Variants in PRKCH observed in about 807,000 individuals in gnomAD.
PRKCH encodes the protein protein kinase C eta, also known as protein kinase C eta type.
Under a neutral mutation model 82.5 loss-of-function variants are expected in PRKCH, and 28 were observed. The ratio of observed to expected loss-of-function variants is 0.34; its 90% CI spans 0.25 to 0.47. The LOEUF (loss-of-function observed/expected upper bound fraction) is 0.47. Ranked by LOEUF, PRKCH falls within the 20% of genes least tolerant of loss-of-function variation. PRKCH has a pLI of 1.00. For synonymous variants in PRKCH, 322 were observed against 327.4 expected (o/e 0.98, Z 0.18); for missense variants, 705 against 881.8 (o/e 0.80, Z 2.54).
chr14:61,427,000 C>A (rs1210028503), intron 2 of PRKCH, among the ~76,000 whole-genome samples: 1 of 152,130 alleles, frequency 6.6e-6, no homozygotes, highest in Admixed American at 6.5e-5. Context: ...GTGACCACAG[C>A]CCAAGGCACA....
chr14:61,246,776 C>T (rs1163767307), intron 1 of PRKCH, among the ~76,000 whole-genome samples: 1 of 152,066 alleles, frequency 6.6e-6, no homozygotes, highest in Non-Finnish European at 1.5e-5. Context: ...TTTATAGAGA[C>T]AGAGTCTCCC....
At chr14:61,345,876 T>C (rs559528085) in intron 1 of PRKCH, among the ~76,000 whole-genome samples, 25 of 127,970 alleles carry the variant, frequency 2.0e-4, no homozygotes, top group Admixed American at 9.4e-4. Context: ...CTGTCTCTCT[T>C]TTTTTTTTTT....
At chr14:61,456,323 A>C (rs570496067) in intron 7 of PRKCH, among the ~76,000 whole-genome samples, 89 of 152,298 alleles carry the variant, frequency 5.8e-4, no homozygotes, top group African/African-American at 2.0e-3. Flanking sequence ...CTCTGTTTTG[A>C]AGATTTGCAT....
At chr14:61,532,909 C>T (rs1255861535) in intron 12 of PRKCH, among the ~76,000 whole-genome samples, 4 of 152,222 alleles carry the variant, frequency 2.6e-5, no homozygotes, top group Non-Finnish European at 5.9e-5. Context: ...CCAGCTGCTC[C>T]ACTGATGGAG....
intron 10 of PRKCH, among the ~76,000 whole-genome samples, chr14:61,521,073 A>G (rs746869053): frequency 6.6e-6 from 1 of 152,246 alleles, no homozygotes; most frequent in Non-Finnish European, 1.5e-5. Context: ...CATAGGAGAT[A>G]TAAATATGTC....
intron 9 of PRKCH, among the ~76,000 whole-genome samples, chr14:61,481,832 A>G (rs1594751299): frequency 6.6e-6 from 1 of 152,032 alleles, no homozygotes; most frequent in Non-Finnish European, 1.5e-5. Context: ...AAATACCTAC[A>G]TGAGAGCACA....
intron 10 of PRKCH, among the ~76,000 whole-genome samples, chr14:61,521,573 A>ATT (rs146939937): frequency 3.4e-5 from 5 of 147,384 alleles, no homozygotes; most frequent in African/African-American, 5.0e-5. Context: ...TATTTTATTA[A>ATT]TTTTTTTTTT....
At chr14:61,210,450 C>T (rs2044565831) in intron 1 of PRKCH, among the ~76,000 whole-genome samples, 1 of 152,112 alleles carries the variant, frequency 6.6e-6, no homozygotes, top group Non-Finnish European at 1.5e-5. Context: ...CTTTCCCCAA[C>T]TTTACCTGAT....
At chr14:61,279,997 C>G in intron 1 of PRKCH, 1 of 1,085,902 alleles carries the variant, frequency 9.2e-7, no homozygotes, top group Non-Finnish European at 1.3e-6. Context: ...AAAAGCTAGG[C>G]GAGGTTGGAA....
chr14:61,408,358 G>A (rs1451793886), intron 2 of PRKCH, among the ~76,000 whole-genome samples: 1 of 152,122 alleles, frequency 6.6e-6, no homozygotes, highest in Non-Finnish European at 1.5e-5. Flanking sequence ...TCTACTTTTA[G>A]TGATGCCTAC....
At chr14:61,425,664 G>A (rs1023983688) in intron 2 of PRKCH, among the ~76,000 whole-genome samples, 14 of 152,204 alleles carry the variant, frequency 9.2e-5, no homozygotes, top group Non-Finnish European at 1.9e-4. Context: ...ATGCTGAAAT[G>A]AGTTAAGACT....
intron 1 of PRKCH, among the ~76,000 whole-genome samples, chr14:61,338,068 G>A (rs982955177): frequency 5.9e-5 from 9 of 152,150 alleles, no homozygotes; most frequent in Admixed American, 6.5e-5. Context: ...GGGCGCTGCT[G>A]TTGCAAATGT....
At chr14:61,449,278 A>G (rs766419654) in intron 5 of PRKCH, 26 bp downstream of exon 5, 4 of 1,572,412 alleles carry the variant, frequency 2.5e-6, no homozygotes, top group Non-Finnish European at 3.5e-6. Flanking sequence ...TTTGCTGATT[A>G]AATGTGCGTG....
In PRKCH at chr14:61,280,263, C is replaced by A. The variant is rs1355973706; in HGVS notation, c.-19+92595C>A. 1 of 1,614,058 alleles carries A rather than the reference C, an allele frequency of 6.2e-7. No individual in the cohort carries two copies. Among genetic ancestry groups the A allele is most frequent in the Non-Finnish European group, 8.5e-7 (1 of 1,180,004 alleles). On this transcript the variant is annotated intron_variant, in intron 1 of 3. Transcript: ENST00000555185. The surrounding 1 kb of genome is among the most constrained non-coding windows in gnomAD (Gnocchi z 5.0). The stretch of plus-strand genomic sequence containing the variant: ...AGATGAGGAGCTTGTGGCCGCCGAA[C>A]GCGCGCACCGGGTAGTTGTAGGTGA...
At chr14:61,393,529 CT>C (rs2046720218) in intron 2 of PRKCH, among the ~76,000 whole-genome samples, 1 of 152,210 alleles carries the variant, frequency 6.6e-6, no homozygotes, top group Non-Finnish European at 1.5e-5. Context: ...AAGCTTCTAA[CT>C]CTTTCTCCTA....
intron 9 of PRKCH, among the ~76,000 whole-genome samples, chr14:61,478,314 C>G (rs1885821091): frequency 6.6e-6 from 1 of 152,108 alleles, no homozygotes; most frequent in Non-Finnish European, 1.5e-5. Context: ...GCTCTTGGAC[C>G]TCAAGCATCC....
intron 11 of PRKCH, 146 bp downstream of exon 11, chr14:61,529,359 C>G (rs775765913): frequency 2.5e-4 from 220 of 865,128 alleles, no homozygotes; most frequent in Non-Finnish European, 3.0e-4. Flanking sequence ...TCATTTATGG[C>G]TCATTGGGTG....
intron 9 of PRKCH, among the ~76,000 whole-genome samples, chr14:61,464,218 C>T (rs1885154863): frequency 6.6e-6 from 1 of 152,192 alleles, no homozygotes; most frequent in Non-Finnish European, 1.5e-5. Flanking sequence ...TCCACATCCT[C>T]TTCAACACCT....
chr14:61,548,984 C>T (rs1208507821), intron 13 of PRKCH, among the ~76,000 whole-genome samples: 1 of 151,892 alleles, frequency 6.6e-6, no homozygotes, highest in African/African-American at 2.4e-5. Flanking sequence ...AAATACTCAA[C>T]TTTTAAAAAC....
Sources: allele counts gnomAD v4.1 joint callset (sites outside exome capture counted in the v4.1 genomes callset), GRCh38; gene constraint gnomAD v4.1.1; non-coding constraint Gnocchi (gnomAD v3.1); transcripts MANE v1.5; gene names NCBI Gene and HGNC (gene_info 2026-07-23, HGNC 2026-07-21).